The following CLIP3 variants were observed in gnomAD, a reference collection of about 807,000 sequenced individuals.
The protein encoded by CLIP3 is CAP-Gly domain-containing linker protein 3.
Under a neutral mutation model 59.4 loss-of-function variants are expected in CLIP3, and 15 were observed. The ratio of observed to expected loss-of-function variants is 0.25; its 90% CI spans 0.17 to 0.39. The LOEUF is 0.39. Ranked by LOEUF, CLIP3 falls within the 10% of genes least tolerant of loss-of-function variation. CLIP3 has a pLI of 1.00. For missense variants in CLIP3, 495 were observed against 765.7 expected (o/e 0.65, Z 4.17); for synonymous variants, 300 against 321.6 (o/e 0.93, Z 0.72).
At chr19:36,021,135 T>C (rs943019285) in intron 7 of CLIP3, among the ~76,000 whole-genome samples, 1 of 151,386 alleles carries the variant, frequency 6.6e-6, no homozygotes, top group African/African-American at 2.4e-5. Flanking sequence ...CATCTTGGCC[T>C]CCCAAAGTGC....
intron 2 of CLIP3, among the ~76,000 whole-genome samples, chr19:36,031,023 C>CTTTTTTTTTTTTTTTTTTTTTTTTTT (rs55762943): frequency 2.5e-5 from 2 of 80,174 alleles, no homozygotes; most frequent in Non-Finnish European, 4.9e-5. Context: ...TTTTTTTTTT[C>CTTTTTTTTTTTTTTTTTTTTTTTTTT]TTTTTTTTTT....
chr19:36,032,335 G>A lies in CLIP3; in HGVS notation c.23C>T (p.Pro8Leu), dbSNP rs925703157. The A allele has an allele frequency of 7.1e-6, 9 of 1,271,260 alleles. No individual in the cohort carries two copies. The highest frequency in any genetic ancestry group is 9.0e-6 in the Non-Finnish European group (9 of 1,000,306). The allele number at this position is 1,271,260 out of a possible 1,614,324, so 78.7% of individuals were successfully genotyped here. A position where few individuals can be genotyped will look rare whatever the true frequency, so the allele number is the denominator to read the frequency against. The change falls in exon 2 of 14, where the codon CCG becomes CTG. Residue 8 changes from proline to leucine, a missense_variant. Around this residue, in one of 5 missense-constraint regions of CLIP3, gnomAD observed 90 missense variants for 105.2 expected, o/e 0.86. Coordinates refer to ENST00000360535, the MANE Select transcript of CLIP3 (RefSeq NM_015526.3). This position sits in a 1 kb window ranked among gnomAD's most constrained non-coding sequence, Gnocchi z 4.3. MTKTDPA[P>L]MAPPPRGEEE... is the part of the protein sequence containing the mutation. ...CTCTCCTCGGGGTGGCGGGGCCATC[G>A]GGGCAGGATCTGTCTTAGTCATGGT...
rs1328615607 is a variant in CLIP3 at position 36,018,004 on chromosome 19, G to A, written c.1184-13C>T. On this transcript the variant is annotated splice_polypyrimidine_tract_variant and intron_variant, in intron 9 of 13. Transcript: ENST00000360535. ...GTCTTCTTCTTGCCTAAGGGTAGAA[G>A]GTGTAGGAGGTGGGTAGTGGGGCTG... 1.2e-6 allele frequency: 2 copies of A among 1,613,316 alleles called. No individual in the cohort carries two copies. Among genetic ancestry groups the A allele is most frequent in the Admixed American group, 1.7e-5 (1 of 60,020 alleles).
rs938442592 is a variant in CLIP3 at position 36,015,542 on chromosome 19, G to A, written c.*616C>T. 2 of 155,522 alleles carry A rather than the reference G, an allele frequency of 1.3e-5. No homozygotes were observed. The highest frequency in any genetic ancestry group is 4.8e-5 in the African/African-American group (2 of 41,376). The allele number at this position is 155,522 out of a possible 1,614,324, so 9.6% of individuals were successfully genotyped here. A position where few individuals can be genotyped will look rare whatever the true frequency, so the allele number is the denominator to read the frequency against. On this transcript the variant is annotated 3_prime_UTR_variant, in exon 14 of 14. Coordinates refer to ENST00000360535, the MANE Select transcript of CLIP3 (RefSeq NM_015526.3). ...ACTGTTTTGGTGTCTGTAAATTAGG[G>A]GTGACAGTGGGCTGGTTATGGTGGG...
chr19:36,027,411 C>T, intron 2 of CLIP3, 140 bp from the exon 3 acceptor site: 1 of 893,718 alleles, frequency 1.1e-6, no homozygotes. Flanking sequence ...ACAGTCAACC[C>T]ACAGGCATTT....
chr19:36,027,364 C>T (rs1194200554), intron 2 of CLIP3, 93 bp from the exon 3 acceptor site: 3 of 1,395,056 alleles, frequency 2.2e-6, no homozygotes, highest in African/African-American at 2.9e-5. Flanking sequence ...CTTTTAGAGC[C>T]TCTAATGCAG....
In CLIP3 at chr19:36,032,570, G is replaced by A. The variant is rs1969294987; in HGVS notation, c.-59+154C>T. On this transcript the variant is annotated intron_variant, in intron 1 of 13. Coordinates refer to ENST00000360535, the MANE Select transcript of CLIP3 (RefSeq NM_015526.3). The surrounding 1 kb of genome is among the most constrained non-coding windows in gnomAD (Gnocchi z 4.3). ...TAGAGGGCCCCGGTGTGTGCGCCCA[G>A]CGCCTGCCACCTCCCCCAGGCCCAG... 1 of 384,664 alleles carries A rather than the reference G, an allele frequency of 2.6e-6. No homozygotes were observed. Among genetic ancestry groups the A allele is most frequent in the East Asian group, 3.7e-5 (1 of 26,796 alleles). 23.8% of individuals were successfully genotyped at this position (384,664 alleles called of 1,614,324 possible). A position where few individuals can be genotyped will look rare whatever the true frequency, so the allele number is the denominator to read the frequency against.
Position 36,016,927 on chromosome 19 carries a change from T to G in CLIP3, c.1569A>C (p.Ala523=). ...FTTVRTPKDI[A]SENSISRLLF... ...CACACCTGGAAATGGAGTTCTCTGA[T>G]GCAATGTCCTTTGGGGTCCGGACTG... Residue 523 remains alanine (A), a synonymous_variant, in exon 13 of 14, where the codon GCA becomes GCC. Coordinates refer to ENST00000360535, the MANE Select transcript of CLIP3 (RefSeq NM_015526.3). The surrounding 1 kb of genome is among the most constrained non-coding windows in gnomAD (Gnocchi z 4.1). The G allele has an allele frequency of 6.2e-7, 1 of 1,614,012 alleles. No individual in the cohort carries two copies. The highest frequency in any genetic ancestry group is 8.5e-7 in the Non-Finnish European group (1 of 1,179,976).
chr19:36,026,382 GC>G lies in CLIP3; in HGVS notation c.563-118del, dbSNP rs1318437968. ...CCCAGAGCCTCCGACGCAGAGCCCC[GC>G]CCCCACCTCGGAGCCCCCCTCTCCC... is the stretch of plus-strand genomic sequence containing the variant. On this transcript the variant is annotated intron_variant, in intron 5 of 13. Coordinates refer to ENST00000360535, the MANE Select transcript of CLIP3 (RefSeq NM_015526.3). This position sits in a 1 kb window ranked among gnomAD's most constrained non-coding sequence, Gnocchi z 6.3. The G allele has an allele frequency of 6.6e-6, 7 of 1,053,290 alleles. No homozygotes were observed. Among genetic ancestry groups the G allele is most frequent in the Non-Finnish European group, 8.2e-6 (6 of 728,782 alleles). 65.2% of individuals were successfully genotyped at this position (1,053,290 alleles called of 1,614,324 possible).
At chr19:36,029,424 C>T (rs1969201264) in intron 2 of CLIP3, among the ~76,000 whole-genome samples, 1 of 151,316 alleles carries the variant, frequency 6.6e-6, no homozygotes, top group African/African-American at 2.4e-5. Context: ...GTAGCTAGGA[C>T]TACAGTATAC....
chr19:36,026,255 G>A lies in CLIP3; in HGVS notation c.573C>T (p.Ser191=). The A allele has an allele frequency of 6.2e-7, 1 of 1,612,600 alleles. No individual in the cohort carries two copies. ...AGCCGTGGTTGAAGTCACTGCACGT[G>A]GAGTTCACCACTGGAAGTGGGCAAG... ...LKGARPRVVN[S]TCSDFNHGSA... is the part of the protein sequence containing the mutation. Residue 191 remains serine (S), a synonymous_variant, in exon 6 of 14, where the codon TCC becomes TCT. Coordinates refer to ENST00000360535, the MANE Select transcript of CLIP3 (RefSeq NM_015526.3). The surrounding 1 kb of genome is among the most constrained non-coding windows in gnomAD (Gnocchi z 6.3).
intron 2 of CLIP3, among the ~76,000 whole-genome samples, chr19:36,029,466 G>A (rs1258859192): frequency 9.1e-6 from 1 of 110,230 alleles, no homozygotes; most frequent in Non-Finnish European, 1.9e-5. Flanking sequence ...TTTTTTTTTT[G>A]TAGTGACAAC....
At chr19:36,029,084 G>T (rs1969190103) in intron 2 of CLIP3, among the ~76,000 whole-genome samples, 1 of 147,816 alleles carries the variant, frequency 6.8e-6, no homozygotes, top group African/African-American at 2.5e-5. Flanking sequence ...CACTTTGGGA[G>T]GCCAAGGCTG....
chr19:36,024,371 G>A, intron 7 of CLIP3, 25 bp downstream of exon 7: 1 of 1,571,308 alleles, frequency 6.4e-7, no homozygotes, highest in Non-Finnish European at 8.7e-7. Flanking sequence ...CACCCACCAT[G>A]CAAACACACA....
At chr19:36,024,052 A>C (rs1454762669) in intron 7 of CLIP3, among the ~76,000 whole-genome samples, 1 of 152,182 alleles carries the variant, frequency 6.6e-6, no homozygotes, top group Non-Finnish European at 1.5e-5. Context: ...CTCTGAGAGC[A>C]GAGGGGCCTG....
chr19:36,019,048 C>G (rs758766288), intron 8 of CLIP3, 22 bp from the exon 9 acceptor site: 6 of 1,582,818 alleles, frequency 3.8e-6, no homozygotes, highest in Non-Finnish European at 3.4e-6. Context: ...GAATCCGAGC[C>G]TGGTGTTGTC....
At chr19:36,019,495 A>T in intron 7 of CLIP3, 189 bp from the exon 8 acceptor site, 1 of 703,238 alleles carries the variant, frequency 1.4e-6, no homozygotes, top group South Asian at 1.7e-5. Context: ...TGAAATGGGA[A>T]CAGAAATTAT....
At chr19:36,024,194 G>T in intron 7 of CLIP3, 1 of 595,018 alleles carries the variant, frequency 1.7e-6, no homozygotes, top group Non-Finnish European at 3.0e-6. Context: ...TTCCCACCCT[G>T]GATGGAGAGC....
chr19:36,031,008 CTTTTTTTTTTTTTTCTT>C (rs1481784840), intron 2 of CLIP3, among the ~76,000 whole-genome samples: 14 of 77,854 alleles, frequency 1.8e-4, no homozygotes, highest in South Asian at 1.7e-3. Flanking sequence ...TTTTTCTTTT[CTTTTTTTTTTTTTTCTT>C]TTTTTTTTTT....
Sources: gnomAD v4.1 joint callset for allele counts (sites outside exome capture counted in the v4.1 genomes callset) on GRCh38, gnomAD v4.1.1 for gene constraint, gnomAD v4.1.1 regional missense constraint, Gnocchi (gnomAD v3.1) non-coding constraint, MANE v1.5 for transcripts, NCBI Gene and HGNC (gene_info 2026-07-23, HGNC 2026-07-21) for gene names.